The following CYP39A1 variants were observed in gnomAD, a reference collection of about 807,000 sequenced individuals.
CYP39A1 encodes 24-hydroxycholesterol 7-alpha-hydroxylase.
In CYP39A1, 49 loss-of-function variants were observed where a neutral mutation model predicts 58.1. The ratio of observed to expected loss-of-function variants is 0.84; its 90% confidence interval spans 0.67 to 1.07. The LOEUF (loss-of-function observed/expected upper bound fraction) is 1.07. Among genes scored for constraint, CYP39A1 ranks in the 50% least tolerant of loss-of-function variants. The probability of loss-of-function intolerance (pLI) is 0.00; values close to 1 mark genes in which losing one functional copy is unlikely to be tolerated. For missense variants in CYP39A1, 531 were observed against 539.4 expected, an observed-to-expected ratio of 0.98 and a Z score of 0.16; for synonymous variants, 209 against 187.6, an observed-to-expected ratio of 1.11 and a Z score of -0.93.
intron 5 of CYP39A1, among the ~76,000 whole-genome samples, chr6:46,635,700 G>T (rs1298066077): frequency 6.6e-6 from 1 of 152,144 alleles, no homozygotes; most frequent in Non-Finnish European, 1.5e-5. Flanking sequence ...TACCACAGGT[G>T]TGTGCAACCA....
At chr6:46,652,334 GAGTCAATGAAAGAA>G in intron 1 of CYP39A1, 58 bp downstream of exon 1, 1 of 1,438,356 alleles carries the variant, frequency 7.0e-7, no homozygotes, top group South Asian at 1.4e-5. Flanking sequence ...CTGCACTTAA[GAGTCAATGAAAGAA>G]AGTTTAAAAA....
chr6:46,583,458 T>C (rs1284225888), intron 10 of CYP39A1: 1 of 985,256 alleles, frequency 1.0e-6, no homozygotes, highest in Admixed American at 6.2e-5. Context: ...CCCTCCGTCT[T>C]ATTCCTCCAT....
chr6:46,555,729 A>G (rs1770638291), intron 10 of CYP39A1, among the ~76,000 whole-genome samples: 1 of 152,208 alleles, frequency 6.6e-6, no homozygotes, highest in Admixed American at 6.5e-5. Context: ...GAGTGAATGT[A>G]TACATATCAA....
intron 5 of CYP39A1, among the ~76,000 whole-genome samples, chr6:46,635,081 C>G (rs1224036260): frequency 2.6e-5 from 4 of 152,126 alleles, no homozygotes; most frequent in Non-Finnish European, 5.9e-5. Context: ...TCACATAGTC[C>G]TTTTTCCTAA....
At chr6:46,618,396 G>A (rs929404445) in intron 7 of CYP39A1, among the ~76,000 whole-genome samples, 6 of 152,096 alleles carry the variant, frequency 3.9e-5, no homozygotes, top group African/African-American at 1.4e-4. Context: ...GAAATAATGT[G>A]TAGTAACTTA....
rs188808941 is a variant in CYP39A1, at chr6:46,606,238, T to C, written c.932-10118A>G. Among the ~76,000 whole-genome samples, 947 of 152,310 alleles carry C rather than the reference T, an allele frequency of 6.2e-3. 9 individuals are homozygous for C. Among genetic ancestry groups the C allele is most frequent in the African/African-American group, 0.021 (878 of 41,570 alleles). On this transcript the variant is annotated intron_variant, in intron 7 of 11. Coordinates refer to ENST00000275016, the MANE Select transcript of CYP39A1 (RefSeq NM_016593.5). ...TTTAAAATTATGACCTATAAATGTA[T>C]TAGAGATGTAGCCTACATTTGGAAA...
At chr6:46,597,116 A>G (rs1008562983) in intron 7 of CYP39A1, among the ~76,000 whole-genome samples, 3 of 152,064 alleles carry the variant, frequency 2.0e-5, no homozygotes, top group African/African-American at 7.2e-5. Context: ...CTGCCTGGGA[A>G]ACCTTTTCTG....
chr6:46,550,596 C>A (rs1022213844), intron 11 of CYP39A1, among the ~76,000 whole-genome samples, 159 bp from the exon 12 acceptor site: 1 of 152,146 alleles, frequency 6.6e-6, no homozygotes, highest in Non-Finnish European at 1.5e-5. Flanking sequence ...TATCCAACAT[C>A]AACTTTAGCC....
At chr6:46,559,955 T>A (rs1770886467) in intron 10 of CYP39A1, among the ~76,000 whole-genome samples, 2 of 152,160 alleles carry the variant, frequency 1.3e-5, no homozygotes. Flanking sequence ...AAAACAATAT[T>A]CATGTTCTCA....
At chr6:46,556,976 G>T (rs902086273) in intron 10 of CYP39A1, among the ~76,000 whole-genome samples, 4 of 151,978 alleles carry the variant, frequency 2.6e-5, no homozygotes, top group Admixed American at 1.3e-4. Context: ...AGGTAGAAAA[G>T]AACAGCATGA....
At chr6:46,627,297 G>A (rs1368812642) in intron 6 of CYP39A1, among the ~76,000 whole-genome samples, 3 of 152,160 alleles carry the variant, frequency 2.0e-5, no homozygotes, top group Non-Finnish European at 2.9e-5. Flanking sequence ...TACGCAAAAC[G>A]GATGTTCATA....
chr6:46,553,795 CAGT>C lies in CYP39A1; in HGVS notation c.1307_1309del (p.Asp436_Cys437delinsGly). ...TTTGGGTAATGGGTCCAGAAGACTA[CAGT>C]CATATTTATAAAGTATTAAAATAAT... On this transcript the variant is annotated inframe_deletion, in exon 11 of 12. Coordinates refer to ENST00000275016, the MANE Select transcript of CYP39A1 (RefSeq NM_016593.5). 1 of 1,611,032 alleles carries C rather than the reference CAGT, an allele frequency of 6.2e-7. No individual in the cohort carries two copies. Among genetic ancestry groups the C allele is most frequent in the South Asian group, 1.1e-5 (1 of 90,812 alleles).
At chr6:46,599,361 G>GA (rs1221343784) in intron 7 of CYP39A1, among the ~76,000 whole-genome samples, 5 of 152,204 alleles carry the variant, frequency 3.3e-5, no homozygotes, top group Admixed American at 2.6e-4. Flanking sequence ...AAAATCTGAA[G>GA]AAAAAATCAG....
At chr6:46,560,996 A>G (rs1770942158) in intron 10 of CYP39A1, among the ~76,000 whole-genome samples, 1 of 152,170 alleles carries the variant, frequency 6.6e-6, no homozygotes, top group Non-Finnish European at 1.5e-5. Context: ...GTGAAATTAG[A>G]CATCAAGCTC....
chr6:46,570,284 C>T (rs1347638411), intron 10 of CYP39A1, among the ~76,000 whole-genome samples: 2 of 152,014 alleles, frequency 1.3e-5, no homozygotes, highest in Non-Finnish European at 2.9e-5. Context: ...AACTGAAAAA[C>T]CTTTTTGTTG....
chr6:46,609,078 G>A (rs1245686652), intron 7 of CYP39A1, among the ~76,000 whole-genome samples: 1 of 152,054 alleles, frequency 6.6e-6, no homozygotes, highest in Non-Finnish European at 1.5e-5. Context: ...GAAATAGTGT[G>A]AAACTGATCT....
intron 6 of CYP39A1, among the ~76,000 whole-genome samples, chr6:46,629,539 C>T (rs2150577948): frequency 6.6e-6 from 1 of 152,236 alleles, no homozygotes; most frequent in South Asian, 2.1e-4. Context: ...GCTAACATAC[C>T]TTTGAGAAAA....
At chr6:46,599,312 A>AT (rs1417184395) in intron 7 of CYP39A1, among the ~76,000 whole-genome samples, 1 of 150,770 alleles carries the variant, frequency 6.6e-6, no homozygotes, top group African/African-American at 2.5e-5. Flanking sequence ...CAGTGACCAG[A>AT]CGGGGGAGGG....
intron 1 of CYP39A1, among the ~76,000 whole-genome samples, chr6:46,651,546 G>T (rs554351764): frequency 6.6e-6 from 1 of 152,012 alleles, no homozygotes; most frequent in East Asian, 1.9e-4. Context: ...GTGATATTCT[G>T]GGTTATTTTT....
Sources: gnomAD v4.1 joint callset for allele counts (sites outside exome capture counted in the v4.1 genomes callset) on GRCh38, gnomAD v4.1.1 for gene constraint, MANE v1.5 for transcripts, NCBI Gene and HGNC (gene_info 2026-07-23, HGNC 2026-07-21) for gene names.